Variants in CCDC3 observed in about 807,000 individuals in gnomAD.
CCDC3 encodes the protein coiled-coil domain-containing protein 3.
A neutral mutation model predicts 21.4 loss-of-function variants in CCDC3; 24 were observed. The ratio of observed to expected loss-of-function variants is 1.12; its 90% CI spans 0.81 to 1.58. CCDC3 has a LOEUF of 1.58. CCDC3 is among the 40% of genes most tolerant of loss of function. The pLI is 0.00. For synonymous variants in CCDC3, 186 were observed against 166.0 expected, an observed-to-expected ratio of 1.12 and a Z score of -0.93; for missense variants, 425 against 360.9, an observed-to-expected ratio of 1.18 and a Z score of -1.44.
At chr10:12,924,372 T>C (rs1376178145) in intron 2 of CCDC3, among the ~76,000 whole-genome samples, 3 of 152,160 alleles carry the variant, frequency 2.0e-5, no homozygotes, top group African/African-American at 4.8e-5. Flanking sequence ...TTTTAGGAAA[T>C]TGTGTGCTTG....
intron 3 of CCDC3, among the ~76,000 whole-genome samples, chr10:13,096,778 G>C (rs1278572743): frequency 6.6e-6 from 1 of 152,118 alleles, no homozygotes; most frequent in Non-Finnish European, 1.5e-5. Flanking sequence ...TGTCTGTCTG[G>C]GTGCTGCAGG....
intron 2 of CCDC3, among the ~76,000 whole-genome samples, chr10:12,940,578 A>G (rs1412719051): frequency 6.6e-6 from 1 of 152,216 alleles, no homozygotes; most frequent in African/African-American, 2.4e-5. Flanking sequence ...AATTAGTTCC[A>G]TGACTGTCCA....
At chr10:13,017,021 A>G (rs1268186379) in intron 5 of CCDC3, among the ~76,000 whole-genome samples, 2 of 152,036 alleles carry the variant, frequency 1.3e-5, no homozygotes, top group African/African-American at 4.8e-5. Context: ...TCCAAAAGGA[A>G]TGAGCTAGGT....
chr10:13,087,417 A>AG (rs945078501), intron 3 of CCDC3, among the ~76,000 whole-genome samples: 3 of 151,188 alleles, frequency 2.0e-5, no homozygotes, highest in Non-Finnish European at 4.4e-5. Context: ...AAAAAAAAAA[A>AG]AAATGGTGCT....
intron 5 of CCDC3, among the ~76,000 whole-genome samples, chr10:13,042,331 C>T (rs913254631): frequency 5.9e-5 from 9 of 152,318 alleles, no homozygotes; most frequent in Admixed American, 1.3e-4. Flanking sequence ...ACCAACATTT[C>T]ACCTTCTACT....
At chr10:12,920,299 A>G (rs1238472038) in intron 2 of CCDC3, among the ~76,000 whole-genome samples, 2 of 152,206 alleles carry the variant, frequency 1.3e-5, no homozygotes, top group African/African-American at 2.4e-5. Context: ...GTATGGGGGA[A>G]ACAGTCCCTA....
chr10:13,063,147 G>A (rs1043374700), intron 4 of CCDC3, among the ~76,000 whole-genome samples: 4 of 151,440 alleles, frequency 2.6e-5, no homozygotes, highest in Non-Finnish European at 4.4e-5. Flanking sequence ...CCGAATGTTC[G>A]GGGAGACTGA....
chr10:12,969,913 A>C (rs1372805739), intron 2 of CCDC3, among the ~76,000 whole-genome samples: 2 of 152,134 alleles, frequency 1.3e-5, no homozygotes, highest in East Asian at 3.8e-4. Context: ...AGTCAAACTC[A>C]TAGAAACAGA....
intron 2 of CCDC3, among the ~76,000 whole-genome samples, chr10:12,968,181 G>A (rs12411426): frequency 0.52 from 71,127 of 137,574 alleles, 19,321 homozygotes; most frequent in East Asian, 0.62. Flanking sequence ...AAAAAAAAAA[G>A]AAAATACAAA....
rs112177342 is a variant in CCDC3, at chr10:13,042,760, T to A, written c.-2+6914A>T. Among the ~76,000 whole-genome samples the A allele has an allele frequency of 6.6e-3, 1,001 of 151,580 alleles. 12 individuals are homozygous for A. The highest frequency in any genetic ancestry group is 0.023 in the African/African-American group (959 of 41,320). On this transcript the variant is annotated intron_variant, in intron 5 of 6. Transcript: ENST00000378839. ...TGTCTCTACTAAAAATACAAAAAAA[T>A]TAGCCGGGTGTGGTGGCGGGCGCCT... is the stretch of plus-strand genomic sequence containing the variant.
At chr10:13,066,596 A>G (rs1836821976) in intron 4 of CCDC3, among the ~76,000 whole-genome samples, 1 of 152,228 alleles carries the variant, frequency 6.6e-6, no homozygotes, top group Non-Finnish European at 1.5e-5. Context: ...TTTGTATACC[A>G]TGATGAGACA....
intron 5 of CCDC3, among the ~76,000 whole-genome samples, chr10:13,042,669 G>C (rs1185753171): frequency 1.3e-5 from 2 of 151,058 alleles, no homozygotes; most frequent in Non-Finnish European, 2.9e-5. Flanking sequence ...AGCACTTTGG[G>C]AGGCTGAGGT....
At chr10:12,917,756 G>T (rs1834382635) in intron 2 of CCDC3, among the ~76,000 whole-genome samples, 1 of 152,172 alleles carries the variant, frequency 6.6e-6, no homozygotes, top group Non-Finnish European at 1.5e-5. Context: ...TCTGATGGCT[G>T]TAATCATTTC....
Position 12,932,124 on chromosome 10 carries a change from A to C in CCDC3, c.550-33445T>G, listed in dbSNP as rs141934577. Among the ~76,000 whole-genome samples, 607 of 152,286 alleles carry C rather than the reference A, an allele frequency of 4.0e-3. 8 individuals carry two copies. Among genetic ancestry groups the C allele is most frequent in the South Asian group, 0.025 (122 of 4,816 alleles). ...CAGAGTTTTGTAGTTTTCCTCATGT[A>C]GATCTTGTAAATATTGTTAGATTAT... is the stretch of plus-strand genomic sequence containing the variant. On this transcript the variant is annotated intron_variant, in intron 2 of 2. Transcript: ENST00000378825.
intron 5 of CCDC3, among the ~76,000 whole-genome samples, chr10:13,030,438 G>A (rs1006154060): frequency 2.0e-5 from 3 of 152,134 alleles, no homozygotes; most frequent in African/African-American, 7.2e-5. Flanking sequence ...ATCAACTAAT[G>A]AGCAAAATAA....
intron 3 of CCDC3, among the ~76,000 whole-genome samples, chr10:13,083,248 G>A (rs1181644895): frequency 6.6e-6 from 1 of 152,118 alleles, no homozygotes. Context: ...TAGTTCAATT[G>A]GCTATCCCTT....
At chr10:13,015,100 A>G (rs1000627808) in intron 5 of CCDC3, among the ~76,000 whole-genome samples, 1 of 152,122 alleles carries the variant, frequency 6.6e-6, no homozygotes, top group East Asian at 1.9e-4. Context: ...AAAGAAGAGT[A>G]TGAATGAGCT....
rs1369144754 is a variant in CCDC3, at chr10:12,898,679, G to A, written c.550C>T (p.Leu184Phe). The stretch of plus-strand genomic sequence containing the variant: ...GCCTTCTGCACCGAGGAGCACATGA[G>A]CTGGAGGCAGAGACAGCGTGCAAGG... ...SDWEIQEDSR[L>F]MCSSVQKALF... Residue 184 changes from leucine (L) to phenylalanine (F), a missense_variant and splice_region_variant, in exon 3 of 3, where the codon CTC becomes TTC. Transcript: ENST00000378825. 2 of 1,613,978 alleles carry A rather than the reference G, an allele frequency of 1.2e-6. No homozygotes were observed. The highest frequency in any genetic ancestry group is 1.7e-5 in the Admixed American group (1 of 60,032).
At chr10:13,047,113 A>G (rs556064094) in intron 5 of CCDC3, among the ~76,000 whole-genome samples, 1 of 152,352 alleles carries the variant, frequency 6.6e-6, no homozygotes, top group Admixed American at 6.5e-5. Context: ...GACTCCATTT[A>G]GCGGCAATGG....
Sources: allele counts gnomAD v4.1 joint callset (sites outside exome capture counted in the v4.1 genomes callset), GRCh38; gene constraint gnomAD v4.1.1; transcripts MANE v1.5; gene names NCBI Gene and HGNC (gene_info 2026-07-23, HGNC 2026-07-21).